The following GRIK3 variants were observed in gnomAD, a reference collection of about 807,000 sequenced individuals.
The protein encoded by GRIK3 is glutamate receptor ionotropic, kainate 3.
Under a neutral mutation model 102.5 loss-of-function variants are expected in GRIK3, and 29 were observed. The ratio of observed to expected loss-of-function variants is 0.28; its 90% CI spans 0.21 to 0.39. GRIK3 has a LOEUF of 0.39. GRIK3 is among the 10% of genes least tolerant of loss of function. GRIK3 has a pLI of 1.00. For synonymous variants in GRIK3, 511 were observed against 504.9 expected (o/e 1.01, Z -0.16); for missense variants, 908 against 1,252.4 (o/e 0.73, Z 4.15).
intron 1 of GRIK3, among the ~76,000 whole-genome samples, chr1:36,935,037 C>A (rs1641640233): frequency 6.6e-6 from 1 of 152,168 alleles, no homozygotes; most frequent in African/African-American, 2.4e-5. Context: ...GCCCACCAGC[C>A]AATCAAAGGA....
chr1:36,898,641 T>G (rs1013855536), intron 1 of GRIK3, among the ~76,000 whole-genome samples: 1 of 152,190 alleles, frequency 6.6e-6, no homozygotes, highest in South Asian at 2.1e-4. Context: ...GAAATCCTTA[T>G]GACATTTCAA....
At chr1:36,836,428 G>A (rs1478621376) in intron 10 of GRIK3, among the ~76,000 whole-genome samples, 1 of 152,244 alleles carries the variant, frequency 6.6e-6, no homozygotes, top group Non-Finnish European at 1.5e-5. Context: ...GCCCATGCCA[G>A]GTGTTGGGAC....
intron 1 of GRIK3, among the ~76,000 whole-genome samples, chr1:36,894,812 T>C (rs143905702): frequency 6.6e-6 from 1 of 152,302 alleles, no homozygotes; most frequent in East Asian, 1.9e-4. Context: ...ACCAGGTTCT[T>C]AAGTGAATAT....
intron 1 of GRIK3, among the ~76,000 whole-genome samples, chr1:37,028,233 T>G (rs1287718998): frequency 6.6e-6 from 1 of 152,154 alleles, no homozygotes; most frequent in Non-Finnish European, 1.5e-5. Context: ...GCCCTTGGGT[T>G]TCCTCAAGGC....
chr1:36,971,664 A>G (rs1205286859), intron 1 of GRIK3, among the ~76,000 whole-genome samples: 1 of 152,074 alleles, frequency 6.6e-6, no homozygotes, highest in African/African-American at 2.4e-5. Context: ...AGCTCCTAGA[A>G]CCTTGCCCCA....
chr1:36,927,784 G>T, intron 1 of GRIK3, among the ~76,000 whole-genome samples: 1 of 152,174 alleles, frequency 6.6e-6, no homozygotes, highest in Non-Finnish European at 1.5e-5. Flanking sequence ...AACAGGTTCC[G>T]AGAGGCTGTT....
Position 36,843,582 on chromosome 1 carries a change from T to C in GRIK3, c.1327-1643A>G, listed in dbSNP as rs1640486353. Reference sequence around the variant, plus strand: ...TGGCTTGGCTCTCCTGTCTGTTCCCTGGGGTCAGACCTTCCGGAGTTAATC... The same window carrying C: ...TGGCTTGGCTCTCCTGTCTGTTCCCCGGGGTCAGACCTTCCGGAGTTAATC... On this transcript the variant is annotated intron_variant, in intron 9 of 15. Coordinates refer to ENST00000373091, the MANE Select transcript of GRIK3 (RefSeq NM_000831.4). Among the ~76,000 whole-genome samples, 3 of 152,184 alleles carry C rather than the reference T, an allele frequency of 2.0e-5. No homozygotes were observed. The South Asian group carries it at 6.2e-4, about 31-fold the overall frequency.
intron 1 of GRIK3, among the ~76,000 whole-genome samples, chr1:37,011,141 T>C (rs1405801420): frequency 6.6e-6 from 1 of 152,152 alleles, no homozygotes; most frequent in East Asian, 1.9e-4. Flanking sequence ...TATGGAAAAA[T>C]GCTCCGAGCT....
chr1:36,833,927 G>GA (rs1207351493), intron 10 of GRIK3, among the ~76,000 whole-genome samples: 1 of 152,094 alleles, frequency 6.6e-6, no homozygotes, highest in Non-Finnish European at 1.5e-5. Flanking sequence ...CTGACCTCTC[G>GA]AGTCTCCAAG....
At chr1:36,840,311 C>T (rs1292718522) in intron 10 of GRIK3, among the ~76,000 whole-genome samples, 1 of 151,954 alleles carries the variant, frequency 6.6e-6, no homozygotes, top group Non-Finnish European at 1.5e-5. Flanking sequence ...AAGTTGAGGG[C>T]CCTGAGCTGG....
chr1:36,939,743 C>A (rs1641699558), intron 1 of GRIK3, among the ~76,000 whole-genome samples: 1 of 152,190 alleles, frequency 6.6e-6, no homozygotes, highest in Admixed American at 6.5e-5. Context: ...TAATTGTAAC[C>A]AAGATAGTGT....
chr1:36,918,218 C>T lies in GRIK3; in HGVS notation c.116-27122G>A, dbSNP rs114076486. Among the ~76,000 whole-genome samples the T allele has an allele frequency of 5.1e-3, 782 of 152,298 alleles. 6 individuals carry two copies. The highest frequency in any genetic ancestry group is 0.018 in the African/African-American group (747 of 41,548). On this transcript the variant is annotated intron_variant, in intron 1 of 15. Coordinates refer to ENST00000373091, the MANE Select transcript of GRIK3 (RefSeq NM_000831.4). ...GAAGTATCACTAACACCTATAGAAC[C>T]TATGTTCCAAGCCTTTCCCTTCATT...
intron 1 of GRIK3, among the ~76,000 whole-genome samples, chr1:37,011,037 G>A (rs542528262): frequency 2.0e-5 from 3 of 152,210 alleles, no homozygotes; most frequent in South Asian, 4.1e-4. Flanking sequence ...CACCACGCCC[G>A]GCCTACCTGT....
Position 36,806,034 on chromosome 1 carries a change from A to AG in GRIK3, c.2314+69dup. The AG allele has an allele frequency of 1.1e-6, 1 of 946,416 alleles. No individual in the cohort carries two copies. The highest frequency in any genetic ancestry group is 1.4e-5 in the South Asian group (1 of 69,160). 58.6% of individuals were successfully genotyped at this position (946,416 alleles called of 1,614,324 possible). A position where few individuals can be genotyped will look rare whatever the true frequency, so the allele number is the denominator to read the frequency against. On this transcript the variant is annotated intron_variant, in intron 14 of 15. Coordinates refer to ENST00000373091, the MANE Select transcript of GRIK3 (RefSeq NM_000831.4). This position sits in a 1 kb window ranked among gnomAD's most constrained non-coding sequence, Gnocchi z 4.0. The stretch of plus-strand genomic sequence containing the variant: ...GGAATGAGCTGTGAGACGGAGTGTG[A>AG]GGGGACGCGGGGGTGGAGCCCTCCC...
At chr1:37,033,970 C>A (rs746578748) in intron 1 of GRIK3, 24 bp downstream of exon 1, 3 of 1,410,304 alleles carry the variant, frequency 2.1e-6, no homozygotes, top group South Asian at 2.4e-5. Flanking sequence ...CGCACGGAGA[C>A]CCCCGGCTCC....
intron 2 of GRIK3, among the ~76,000 whole-genome samples, chr1:36,883,743 G>C (rs1354617128): frequency 1.3e-5 from 2 of 151,718 alleles, no homozygotes; most frequent in Non-Finnish European, 2.9e-5. Flanking sequence ...CCTGGGAAAG[G>C]GTCCCTCTCG....
At position 36,801,825 on chromosome 1, in the gene GRIK3, G is replaced by A. The variant is rs201890438; in HGVS notation, c.*26C>T. 5.8e-6 allele frequency: 9 copies of A among 1,564,946 alleles called. No individual in the cohort carries two copies. In the East Asian group the frequency reaches 1.4e-4, roughly 24 times the overall value. ...TTGCTTTCCTCTGCCCAGCCCCCAGGCCTGAGGTCCCCACCCCAGCTGTGC... is the reference window on the plus strand; with the variant it reads ...TTGCTTTCCTCTGCCCAGCCCCCAGACCTGAGGTCCCCACCCCAGCTGTGC... On this transcript the variant is annotated 3_prime_UTR_variant, in exon 16 of 16. Transcript: ENST00000373091.
At chr1:36,871,240 G>A (rs752142024) in intron 4 of GRIK3, among the ~76,000 whole-genome samples, 9 of 152,162 alleles carry the variant, frequency 5.9e-5, no homozygotes, top group South Asian at 4.1e-4. Flanking sequence ...TTTTAAGTGC[G>A]GTGTAAAGGA....
At chr1:36,919,127 C>G (rs1192842240) in intron 1 of GRIK3, among the ~76,000 whole-genome samples, 3 of 152,172 alleles carry the variant, frequency 2.0e-5, no homozygotes, top group Non-Finnish European at 2.9e-5. Context: ...GGTGCCTTCT[C>G]AGTGCTGGGG....
Sources: gnomAD v4.1 joint callset for allele counts (sites outside exome capture counted in the v4.1 genomes callset) on GRCh38, gnomAD v4.1.1 for gene constraint, Gnocchi (gnomAD v3.1) non-coding constraint, MANE v1.5 for transcripts, NCBI Gene and HGNC (gene_info 2026-07-23, HGNC 2026-07-21) for gene names.